FAM78B: variants seen among roughly 807,000 people sequenced by gnomAD.
The protein encoded by FAM78B is protein FAM78B.
In FAM78B, 10 loss-of-function variants were observed where a neutral mutation model predicts 20.0. The observed-to-expected ratio is 0.50, with a 90% CI of 0.31 to 0.85. The LOEUF is 0.85. FAM78B is among the 40% of genes least tolerant of loss of function. The pLI is 0.05. For synonymous variants in FAM78B, 135 were observed against 132.8 expected (o/e 1.02, Z -0.12); for missense variants, 283 against 345.0 (o/e 0.82, Z 1.42).
intron 1 of FAM78B, among the ~76,000 whole-genome samples, chr1:166,120,015 C>A (rs1249459095): frequency 6.6e-6 from 1 of 152,184 alleles, no homozygotes; most frequent in Non-Finnish European, 1.5e-5. Context: ...TGAATTCAGC[C>A]CACTCCCTCC....
At chr1:166,094,003 C>CTCTGTGTGTGTGTGTGTGTGTG (rs1553217256) in intron 1 of FAM78B, among the ~76,000 whole-genome samples, 1 of 125,520 alleles carries the variant, frequency 8.0e-6, no homozygotes, top group Non-Finnish European at 1.7e-5. Context: ...TTGCGAATGA[C>CTCTGTGTGTGTGTGTGTGTGTG]TGTGTGTGTG....
intron 1 of FAM78B, among the ~76,000 whole-genome samples, chr1:166,092,504 G>A (rs866474883): frequency 6.6e-6 from 1 of 152,150 alleles, no homozygotes; most frequent in Non-Finnish European, 1.5e-5. Context: ...TGTGGATTCA[G>A]TTTTGGTTCT....
chr1:166,062,014 G>A (rs1651620312), intron 2 of FAM78B, among the ~76,000 whole-genome samples: 1 of 152,154 alleles, frequency 6.6e-6, no homozygotes, highest in African/African-American at 2.4e-5. Flanking sequence ...TACAATAAGG[G>A]TGTCTCTGGG....
At chr1:166,057,404 A>G (rs1651391922), downstream of FAM78B, 1 of 152,168 alleles carries the variant, frequency 6.6e-6, no homozygotes, top group South Asian at 2.1e-4. Flanking sequence ...ATCTTTGAGG[A>G]CAAAATTAAA....
At chr1:166,065,602 G>A (rs1012664213), downstream of FAM78B, among the ~76,000 whole-genome samples, 2 of 152,164 alleles carry the variant, frequency 1.3e-5, no homozygotes, top group African/African-American at 2.4e-5. Flanking sequence ...GATGGGCTCT[G>A]TCATGGGCAG....
chr1:166,117,606 C>A (rs1430388601), intron 1 of FAM78B, among the ~76,000 whole-genome samples: 1 of 152,072 alleles, frequency 6.6e-6, no homozygotes, highest in Non-Finnish European at 1.5e-5. Context: ...GCATAGGTTT[C>A]CATCAAGAAG....
intron 1 of FAM78B, among the ~76,000 whole-genome samples, chr1:166,124,321 C>T (rs1008859003): frequency 6.6e-6 from 1 of 152,208 alleles, no homozygotes; most frequent in African/African-American, 2.4e-5. Flanking sequence ...TCTCAGCACA[C>T]CTGTGTGTCT....
chr1:166,144,082 A>T (rs1571201725), intron 1 of FAM78B, among the ~76,000 whole-genome samples: 1 of 152,250 alleles, frequency 6.6e-6, no homozygotes, highest in East Asian at 1.9e-4. Flanking sequence ...AAAAGGCACC[A>T]GAGAACTCCT....
Position 166,070,689 on chromosome 1 carries a change from G to A in FAM78B, c.338C>T (p.Pro113Leu). ...AGTTTCTGTGGTGTTCCCGTACCAA[G>A]GGTAGCTCACCCCATCTGAGTCACT... The part of the protein sequence containing the change: ...AISDSDGVSY[P>L]WYGNTTETVT... Residue 113 changes from proline to leucine, a missense_variant, in exon 2 of 2, where the codon CCT (proline) becomes CTT (leucine). Physicochemically the swap from Pro to Leu is moderately conservative, Grantham distance 98. Coordinates refer to ENST00000354422, the MANE Select transcript of FAM78B (RefSeq NM_001017961.5). 1 of 1,612,826 alleles carries A rather than the reference G, an allele frequency of 6.2e-7. No individual in the cohort carries two copies. The highest frequency in any genetic ancestry group is 8.5e-7 in the Non-Finnish European group (1 of 1,179,532).
chr1:166,163,685 C>T (rs1656246636), intron 1 of FAM78B, among the ~76,000 whole-genome samples: 1 of 152,216 alleles, frequency 6.6e-6, no homozygotes, highest in African/African-American at 2.4e-5. Context: ...AAAAAGTTTA[C>T]ACTAGCAAAA....
intron 1 of FAM78B, among the ~76,000 whole-genome samples, chr1:166,162,935 C>G (rs1656206751): frequency 6.6e-6 from 1 of 152,174 alleles, no homozygotes; most frequent in Non-Finnish European, 1.5e-5. Context: ...TCAGAGTTCA[C>G]CTTGAGTCCA....
chr1:166,081,498 A>C (rs1464637590), intron 1 of FAM78B, among the ~76,000 whole-genome samples: 1 of 152,168 alleles, frequency 6.6e-6, no homozygotes, highest in African/African-American at 2.4e-5. Context: ...CTTACCCCAC[A>C]CAGAGAAGCA....
In FAM78B at chr1:166,166,068, G is replaced by A; in HGVS notation, c.181C>T (p.Pro61Ser). 6.2e-7 allele frequency: 1 copy of A among 1,613,960 alleles called. No homozygotes were observed. Among genetic ancestry groups the A allele is most frequent in the Non-Finnish European group, 8.5e-7 (1 of 1,180,004 alleles). Residue 61 changes from proline (P) to serine (S), a missense_variant, in exon 1 of 2, where the codon CCC becomes TCC. By Grantham distance (74) the Pro-to-Ser change is moderately conservative. Transcript: ENST00000354422. ...CCCACCACCCAGGTCTCGTGGCGGG[G>A]GATGGGGGGCATGACCACGCGGGCG... ...ASARVVMPPI[P>S]RHETWVVGWI...
chr1:166,077,910 AATT>A (rs1204119394), intron 1 of FAM78B, among the ~76,000 whole-genome samples: 1 of 1,640 alleles, frequency 6.1e-4, no homozygotes. Context: ...TTATATATAT[AATT>A]ATATATATAA....
At chr1:166,084,237 A>ACTCTCTCTCT (rs372134890) in intron 1 of FAM78B, among the ~76,000 whole-genome samples, 150 of 125,388 alleles carry the variant, frequency 1.2e-3, no homozygotes, top group Non-Finnish European at 1.9e-3. Flanking sequence ...ACACACACAC[A>ACTCTCTCTCT]CTCTCTCTCT....
At chr1:166,155,549 T>G (rs140870114) in intron 1 of FAM78B, among the ~76,000 whole-genome samples, 1 of 152,328 alleles carries the variant, frequency 6.6e-6, no homozygotes, top group East Asian at 1.9e-4. Flanking sequence ...TGTGCAGGTT[T>G]CTTAGCAAAA....
rs932686861 is a variant in FAM78B at position 166,166,288 on chromosome 1, GCGGGGGCCCGCGCGGGCAGC to G, written c.-60_-41del. On this transcript the variant is annotated 5_prime_UTR_variant, in exon 1 of 2. Transcript: ENST00000354422. ...CCGGCACGGCGCGGCGTGGGGCAGC[GCGGGGGCCCGCGCGGGCAGC>G]CGGGGGCGCCCGTCACGCCGGCATG... 1.8e-4 allele frequency: 218 copies of G among 1,206,972 alleles called. 2 individuals carry two copies. The highest frequency in any genetic ancestry group is 1.3e-3 in the Middle Eastern group (4 of 3,144). 74.8% of individuals were successfully genotyped at this position (1,206,972 alleles called of 1,614,324 possible). A position where few individuals can be genotyped will look rare whatever the true frequency, so the allele number is the denominator to read the frequency against.
intron 1 of FAM78B, among the ~76,000 whole-genome samples, chr1:166,092,479 C>T (rs1653116833): frequency 6.6e-6 from 1 of 152,228 alleles, no homozygotes; most frequent in African/African-American, 2.4e-5. Context: ...CTCTTCTCTT[C>T]TGTAGGCCCC....
chr1:166,141,551 ATAGG>A (rs1351345872), intron 1 of FAM78B, among the ~76,000 whole-genome samples: 1 of 152,230 alleles, frequency 6.6e-6, no homozygotes, highest in African/African-American at 2.4e-5. Context: ...TAGGCCCATA[ATAGG>A]TACTGAACAG....
Sources: gnomAD v4.1 joint callset for allele counts (sites outside exome capture counted in the v4.1 genomes callset) on GRCh38, gnomAD v4.1.1 for gene constraint, MANE v1.5 for transcripts, NCBI Gene and HGNC (gene_info 2026-07-23, HGNC 2026-07-21) for gene names.